The following MANEA variants were observed in gnomAD, a reference collection of about 807,000 sequenced individuals.
The protein encoded by MANEA is mannosidase endo-alpha, also known as glycoprotein endo-alpha-1,2-mannosidase.
In MANEA, 25 loss-of-function variants were observed where a neutral mutation model predicts 36.8. The ratio of observed to expected loss-of-function variants is 0.68; its 90% confidence interval spans 0.50 to 0.95. The LOEUF (loss-of-function observed/expected upper bound fraction) is 0.95, where lower values mean the gene tolerates loss of function less well. Among genes scored for constraint, MANEA ranks in the 40% least tolerant of loss-of-function variants. The pLI is 0.00. For missense variants in MANEA, 565 were observed against 558.8 expected (o/e 1.01, Z -0.11); for synonymous variants, 198 against 188.5 (o/e 1.05, Z -0.41).
chr6:95,586,236 T>C (rs931886059), intron 1 of MANEA, among the ~76,000 whole-genome samples, 166 bp from the exon 2 acceptor site: 5 of 152,230 alleles, frequency 3.3e-5, no homozygotes, highest in African/African-American at 1.2e-4. Flanking sequence ...CATTTATATA[T>C]GATGATATAA....
chr6:95,599,369 T>A (rs537262009), intron 3 of MANEA, among the ~76,000 whole-genome samples: 2 of 151,378 alleles, frequency 1.3e-5, no homozygotes, highest in African/African-American at 4.9e-5. Context: ...TGAGCTGAGA[T>A]TGGTGCCACT....
At chr6:95,580,724 CAA>C (rs67844240) in intron 1 of MANEA, among the ~76,000 whole-genome samples, 24 of 59,814 alleles carry the variant, frequency 4.0e-4, no homozygotes, top group Non-Finnish European at 4.9e-4. Context: ...GACGCCGTCT[CAA>C]AAAAAAAAAA....
intron 4 of MANEA, among the ~76,000 whole-genome samples, chr6:95,605,454 T>C (rs9372484): frequency 0.43 from 66,011 of 151,940 alleles, 14,695 homozygotes; most frequent in Middle Eastern, 0.59. Context: ...TTAGGTATTA[T>C]GTAGAGTATT....
rs778832361 is a variant in MANEA, at chr6:95,605,830, A to G, written c.814A>G (p.Ile272Val). 2.4e-5 allele frequency: 39 copies of G among 1,613,710 alleles called. No individual in the cohort carries two copies. The highest frequency in any genetic ancestry group is 3.2e-5 in the Non-Finnish European group (38 of 1,179,822). Residue 272 changes from isoleucine to valine, a missense_variant, in exon 5 of 5, where the codon ATT becomes GTT. By Grantham distance (29) the Ile-to-Val change is conservative. Coordinates refer to ENST00000358812, the MANE Select transcript of MANEA (RefSeq NM_024641.4). ...LPMFYVYDSY[I>V]TKPEKWANLL... ...TATGTTTTATGTCTATGATTCCTATATTACCAAGCCTGAAAAATGGGCCAA... is the reference window on the plus strand; with the variant it reads ...TATGTTTTATGTCTATGATTCCTATGTTACCAAGCCTGAAAAATGGGCCAA...
Position 95,609,092 on chromosome 6 carries a change from T to C in MANEA, c.*2687T>C, listed in dbSNP as rs1769771781. On this transcript the variant is annotated 3_prime_UTR_variant, in exon 5 of 5. Transcript: ENST00000358812. ...TTACCATTTTAGTTGTAACACAGTT[T>C]AAATTGTTATGATAACAAGTAAATA... 1 of 151,828 alleles carries C rather than the reference T, an allele frequency of 6.6e-6. No individual in the cohort carries two copies. Among genetic ancestry groups the C allele is most frequent in the Admixed American group, 6.6e-5 (1 of 15,224 alleles). 9.4% of individuals were successfully genotyped at this position (151,828 alleles called of 1,614,324 possible). A position where few individuals can be genotyped will look rare whatever the true frequency, so the allele number is the denominator to read the frequency against.
At chr6:95,592,938 T>A (rs1287774198) in intron 2 of MANEA, among the ~76,000 whole-genome samples, 1 of 152,172 alleles carries the variant, frequency 6.6e-6, no homozygotes, top group Non-Finnish European at 1.5e-5. Context: ...ACAAAAAAAA[T>A]TGACTATCAA....
Position 95,586,722 on chromosome 6 carries a change from G to C in MANEA, c.283G>C (p.Glu95Gln), listed in dbSNP as rs1301637819. The part of the protein sequence containing the change: ...PSKASELNLD[E>Q]LPPLNNYLHV... ...CAAAGCCTCTGAACTTAACTTGGAT[G>C]AACTACCACCTCTGAACAATTATCT... The change falls in exon 2 of 5, where the codon GAA becomes CAA. Residue 95 changes from glutamate to glutamine, a missense_variant. Transcript: ENST00000358812. The C allele has an allele frequency of 3.1e-6, 5 of 1,613,890 alleles. No individual in the cohort carries two copies. The highest frequency in any genetic ancestry group is 4.2e-6 in the Non-Finnish European group (5 of 1,179,926).
At chr6:95,580,720 G>A (rs182644073) in intron 1 of MANEA, among the ~76,000 whole-genome samples, 221 of 127,772 alleles carry the variant, frequency 1.7e-3, no homozygotes, top group Non-Finnish European at 2.6e-3. Flanking sequence ...GTGAGACGCC[G>A]TCTCAAAAAA....
At chr6:95,585,171 C>A (rs1306991281) in intron 1 of MANEA, among the ~76,000 whole-genome samples, 1 of 151,842 alleles carries the variant, frequency 6.6e-6, no homozygotes, top group African/African-American at 2.4e-5. Context: ...ACAATAATGT[C>A]TTTTCTTAAT....
chr6:95,592,121 T>C (rs1162935535), intron 2 of MANEA, among the ~76,000 whole-genome samples: 1 of 152,220 alleles, frequency 6.6e-6, no homozygotes, highest in Non-Finnish European at 1.5e-5. Context: ...CAGTCTTTTT[T>C]CTCATTATGG....
In MANEA at chr6:95,606,449, T is replaced by C. The variant is rs760746636; in HGVS notation, c.*44T>C. 4 of 1,424,422 alleles carry C rather than the reference T, an allele frequency of 2.8e-6. No individual in the cohort carries two copies. The African/African-American group carries it at 5.7e-5, about 20-fold the overall frequency. The allele number at this position is 1,424,422 out of a possible 1,614,324, so 88.2% of individuals were successfully genotyped here. On this transcript the variant is annotated 3_prime_UTR_variant, in exon 5 of 5. Transcript: ENST00000358812. Reference sequence around the variant, plus strand: ...ATAGTTATCAAAATCACCTAATTTTTAAAAATAGCTTTCGTTTTGAGTTCT... The same window carrying C: ...ATAGTTATCAAAATCACCTAATTTTCAAAAATAGCTTTCGTTTTGAGTTCT...
chr6:95,579,437 G>GT (rs1769140663), intron 1 of MANEA, among the ~76,000 whole-genome samples: 1 of 152,022 alleles, frequency 6.6e-6, no homozygotes, highest in African/African-American at 2.4e-5. Context: ...TAACCAGAGG[G>GT]TACAAGTGTT....
chr6:95,588,530 G>C (rs1209995761), intron 2 of MANEA, among the ~76,000 whole-genome samples: 1 of 151,926 alleles, frequency 6.6e-6, no homozygotes, highest in African/African-American at 2.4e-5. Context: ...ATGTATGTGT[G>C]TGTGTCTGTC....
intron 1 of MANEA, 111 bp from the exon 2 acceptor site, chr6:95,586,291 A>G (rs183677555): frequency 1.6e-6 from 1 of 626,972 alleles, no homozygotes; most frequent in East Asian, 2.7e-5. Flanking sequence ...TGATGAAATC[A>G]GTATTAATTA....
chr6:95,606,412 G>A lies in MANEA; in HGVS notation c.*7G>A. 1 of 1,574,136 alleles carries A rather than the reference G, an allele frequency of 6.4e-7. No individual in the cohort carries two copies. Among genetic ancestry groups the A allele is most frequent in the Non-Finnish European group, 8.6e-7 (1 of 1,167,886 alleles). ...CCAGCTGCCTGTTTCTTAATGCATT[G>A]ATTAAAGTTTAATAGTTATCAAAAT... On this transcript the variant is annotated 3_prime_UTR_variant, in exon 5 of 5. Transcript: ENST00000358812.
intron 1 of MANEA, among the ~76,000 whole-genome samples, chr6:95,585,162 CAAT>C (rs974527638): frequency 5.9e-5 from 9 of 151,662 alleles, no homozygotes; most frequent in African/African-American, 1.5e-4. Flanking sequence ...ACACACACAA[CAAT>C]AATGTCTTTT....
At position 95,586,434 on chromosome 6, in the gene MANEA, G is replaced by T. The variant is rs1562196061; in HGVS notation, c.-6G>T. On this transcript the variant is annotated 5_prime_UTR_variant, in exon 2 of 5. An upstream start codon of the reference 5' UTR is lost. Coordinates refer to ENST00000358812, the MANE Select transcript of MANEA (RefSeq NM_024641.4). ...CTTACTATTTTGGAGTTTAAAGTAT[G>T]TCATCATGGCAAAGTTTCGGAGAAG... The T allele has an allele frequency of 6.3e-7, 1 of 1,599,960 alleles. No individual in the cohort carries two copies. The highest frequency in any genetic ancestry group is 1.1e-5 in the South Asian group (1 of 89,076).
rs1769737271 is a variant in MANEA, at chr6:95,607,349, A to AT, written c.*950dup. On this transcript the variant is annotated 3_prime_UTR_variant, in exon 5 of 5. Transcript: ENST00000358812. ...CATGTCTTTAAATCAGATACCAAAT[A>AT]TTTTTTAGGAAAGAAAAATGTTATT... 1 of 152,076 alleles carries AT rather than the reference A, an allele frequency of 6.6e-6. No individual in the cohort carries two copies. Among genetic ancestry groups the AT allele is most frequent in the African/African-American group, 2.4e-5 (1 of 41,436 alleles). The allele number at this position is 152,076 out of a possible 1,614,324, so 9.4% of individuals were successfully genotyped here. A position where few individuals can be genotyped will look rare whatever the true frequency, so the allele number is the denominator to read the frequency against.
intron 1 of MANEA, among the ~76,000 whole-genome samples, chr6:95,583,222 G>T (rs576640102): frequency 6.6e-6 from 1 of 152,144 alleles, no homozygotes; most frequent in South Asian, 2.1e-4. Context: ...GTGATGGAAT[G>T]CAGGGATGGG....
Sources: gnomAD v4.1 joint callset for allele counts (sites outside exome capture counted in the v4.1 genomes callset) on GRCh38, gnomAD v4.1.1 for gene constraint, MANE v1.5 for transcripts, NCBI Gene and HGNC (gene_info 2026-07-23, HGNC 2026-07-21) for gene names.